Variants in PTPDC1 observed in about 807,000 individuals in gnomAD.
PTPDC1 encodes protein tyrosine phosphatase domain containing 1.
In PTPDC1, 53 loss-of-function variants were observed where a neutral mutation model predicts 75.3. The ratio of observed to expected loss-of-function variants is 0.70; its 90% confidence interval spans 0.56 to 0.88. The LOEUF is 0.88. PTPDC1 is among the 40% of genes least tolerant of loss of function. The pLI is 0.00. For synonymous variants in PTPDC1, 349 were observed against 366.2 expected (o/e 0.95, Z 0.54); for missense variants, 925 against 998.6 (o/e 0.93, Z 0.99).
At chr9:94,092,896 A>G (rs1182802256) in intron 4 of PTPDC1, among the ~76,000 whole-genome samples, 2 of 151,252 alleles carry the variant, frequency 1.3e-5, no homozygotes, top group African/African-American at 4.9e-5. Flanking sequence ...ATCAGAGACT[A>G]GGATTGCAAC....
chr9:94,105,728 G>A (rs1463352889), intron 8 of PTPDC1, among the ~76,000 whole-genome samples: 2 of 151,160 alleles, frequency 1.3e-5, no homozygotes, highest in African/African-American at 4.9e-5. Flanking sequence ...AAGCACTTTG[G>A]GAGGCCAAGG....
intron 6 of PTPDC1, among the ~76,000 whole-genome samples, chr9:94,099,897 A>G (rs1827775745): frequency 6.6e-6 from 1 of 152,300 alleles, no homozygotes; most frequent in East Asian, 1.9e-4. Flanking sequence ...GTGAACACAG[A>G]CCTTTAATCA....
intron 6 of PTPDC1, chr9:94,100,579 C>T (rs1245874434): frequency 2.0e-5 from 3 of 152,174 alleles, no homozygotes; most frequent in Non-Finnish European, 4.4e-5. Context: ...CATTTTCTAG[C>T]TTTTGGCTCC....
Position 94,107,837 on chromosome 9 carries a change from G to T in PTPDC1, c.2320G>T (p.Asp774Tyr), listed in dbSNP as rs2118119684. The T allele has an allele frequency of 6.3e-7, 1 of 1,588,212 alleles. No individual in the cohort carries two copies. Among genetic ancestry groups the T allele is most frequent in the East Asian group, 2.3e-5 (1 of 43,644 alleles). ...ATTTCTTTGTCACCAGGTTAATTTT[G>T]ATTCTGAAAATGGACCAACAGTTTA... ...AIKAFTKVNF[D>Y]SENGPTVYNT... The change falls in exon 9 of 9, where the codon GAT (aspartate) becomes TAT (tyrosine). Residue 774 changes from aspartate to tyrosine, a missense_variant. Physicochemically the swap from Asp to Tyr is radical, Grantham distance 160. Coordinates refer to ENST00000620992, the MANE Select transcript of PTPDC1 (RefSeq NM_001253829.2).
chr9:94,099,295 C>T (rs186112775), intron 6 of PTPDC1, among the ~76,000 whole-genome samples: 4 of 152,234 alleles, frequency 2.6e-5, no homozygotes, highest in Non-Finnish European at 4.4e-5. Context: ...CACCTGTTCT[C>T]GAGAAAAGAT....
At chr9:94,097,188 T>C (rs1032039279) in intron 5 of PTPDC1, 133 bp from the exon 6 acceptor site, 8 of 661,408 alleles carry the variant, frequency 1.2e-5, no homozygotes, top group Middle Eastern at 4.2e-4. Context: ...TCATCATAAT[T>C]GTCCTTAAAA....
At chr9:94,086,413 C>T (rs536189760) in intron 2 of PTPDC1, among the ~76,000 whole-genome samples, 2 of 152,200 alleles carry the variant, frequency 1.3e-5, no homozygotes, top group Non-Finnish European at 2.9e-5. Flanking sequence ...CGTTACATCC[C>T]CCTTCATCTT....
chr9:94,056,811 C>T (rs923859474), intron 1 of PTPDC1, among the ~76,000 whole-genome samples: 1 of 152,094 alleles, frequency 6.6e-6, no homozygotes, highest in African/African-American at 2.4e-5. Context: ...CCTGCACTTA[C>T]GTTTTAAGTA....
chr9:94,045,674 C>G (rs192754978), intron 1 of PTPDC1, among the ~76,000 whole-genome samples: 249 of 152,284 alleles, frequency 1.6e-3, no homozygotes, highest in African/African-American at 5.7e-3. Flanking sequence ...ATCCTTTGCC[C>G]ACTTTTTGAC....
At chr9:94,063,477 T>C (rs1826206096) in intron 1 of PTPDC1, among the ~76,000 whole-genome samples, 1 of 152,242 alleles carries the variant, frequency 6.6e-6, no homozygotes, top group East Asian at 1.9e-4. Context: ...AATTTTGCAT[T>C]AATTAGTATG....
At chr9:94,050,765 C>T (rs905977355) in intron 1 of PTPDC1, among the ~76,000 whole-genome samples, 2 of 152,206 alleles carry the variant, frequency 1.3e-5, no homozygotes, top group African/African-American at 2.4e-5. Flanking sequence ...TTTAAGTCTG[C>T]AGAGGTTTCT....
At chr9:94,051,112 C>A (rs928435801) in intron 1 of PTPDC1, among the ~76,000 whole-genome samples, 49 of 152,182 alleles carry the variant, frequency 3.2e-4, no homozygotes, top group African/African-American at 1.1e-3. Context: ...GCCGTCTGTA[C>A]CCCTTTCTTT....
chr9:94,032,052 G>C (rs1829738861), intron 1 of PTPDC1, among the ~76,000 whole-genome samples: 1 of 152,176 alleles, frequency 6.6e-6, no homozygotes, highest in Admixed American at 6.5e-5. Flanking sequence ...TTCATTTACT[G>C]TGTGGGAAAA....
At position 94,088,128 on chromosome 9, in the gene PTPDC1, G is replaced by T. The variant is rs757591483; in HGVS notation, c.498-17G>T. On this transcript the variant is annotated splice_polypyrimidine_tract_variant and intron_variant, in intron 3 of 8. Coordinates refer to ENST00000620992, the MANE Select transcript of PTPDC1 (RefSeq NM_001253829.2). ...ATGCTAGCTCCCAATATGACTGACT[G>T]CCCTTTTTCCTTTAAGCCATGGCAT... The T allele has an allele frequency of 1.9e-5, 31 of 1,609,322 alleles. No individual in the cohort carries two copies. Among genetic ancestry groups the T allele is most frequent in the Non-Finnish European group, 2.6e-5 (31 of 1,178,790 alleles).
upstream of PTPDC1, among the ~76,000 whole-genome samples, chr9:94,080,612 T>C (rs1826845243): frequency 6.6e-6 from 1 of 152,188 alleles, no homozygotes; most frequent in South Asian, 2.1e-4. Context: ...AGTCTAATCA[T>C]GAGGAAACTG....
At chr9:94,034,302 C>T (rs767907082) in intron 1 of PTPDC1, among the ~76,000 whole-genome samples, 15 of 152,208 alleles carry the variant, frequency 9.9e-5, no homozygotes, top group South Asian at 2.1e-4. Context: ...GAGACTGAGA[C>T]GGGTGGATCA....
intron 4 of PTPDC1, among the ~76,000 whole-genome samples, chr9:94,088,859 T>C (rs1468215268): frequency 2.0e-5 from 3 of 152,142 alleles, no homozygotes; most frequent in Non-Finnish European, 1.5e-5. Context: ...TTACACTAGA[T>C]AGAAAATCCA....
At chr9:94,104,134 T>C (rs1401817558) in intron 7 of PTPDC1, 141 bp from the exon 8 acceptor site, 2 of 550,900 alleles carry the variant, frequency 3.6e-6, no homozygotes, top group African/African-American at 3.7e-5. Context: ...TGTTGATGTT[T>C]AGATATTTTG....
upstream of PTPDC1, among the ~76,000 whole-genome samples, chr9:94,083,679 T>G (rs1419043111): frequency 6.6e-6 from 1 of 152,226 alleles, no homozygotes; most frequent in Non-Finnish European, 1.5e-5. Context: ...CCTCATCTAG[T>G]TCCTTTAAAA....
Sources: allele counts gnomAD v4.1 joint callset (sites outside exome capture counted in the v4.1 genomes callset), GRCh38; gene constraint gnomAD v4.1.1; transcripts MANE v1.5; gene names NCBI Gene and HGNC (gene_info 2026-07-23, HGNC 2026-07-21).